Variants in TMPRSS6 observed in about 807,000 individuals in gnomAD.
TMPRSS6 encodes transmembrane serine protease 6.
A neutral mutation model predicts 101.5 loss-of-function variants in TMPRSS6; 67 were observed. That is an observed-to-expected ratio of 0.66 (90% CI 0.54 to 0.81). The LOEUF (loss-of-function observed/expected upper bound fraction) is 0.81. TMPRSS6 is among the 30% of genes least tolerant of loss of function. The pLI is 0.00. For synonymous variants in TMPRSS6, 453 were observed against 464.9 expected, an observed-to-expected ratio of 0.97 and a Z score of 0.33; for missense variants, 1,034 against 1,088.7, an observed-to-expected ratio of 0.95 and a Z score of 0.71.
chr22:37,066,113 A>C lies in TMPRSS6; in HGVS notation c.2376T>G (p.Gly792=), dbSNP rs1601509345. 2.5e-6 allele frequency: 4 copies of C among 1,613,312 alleles called. No individual in the cohort carries two copies. Among genetic ancestry groups the C allele is most frequent in the Non-Finnish European group, 3.4e-6 (4 of 1,179,958 alleles). The change falls in exon 18 of 18, where the codon GGT becomes GGG. Residue 792 remains glycine (G), a synonymous_variant. Transcript: ENST00000676104. ...CCACTTGCTGGATCCAGCTGATCAC[A>C]CCTGTGATGCGGGTGTAGACGCCGA... ...NYFGVYTRIT[G]VISWIQQVVT
At chr22:37,067,498 G>GC (rs1268388974) in intron 16 of TMPRSS6, among the ~76,000 whole-genome samples, 3 of 152,076 alleles carry the variant, frequency 2.0e-5, no homozygotes, top group Non-Finnish European at 4.4e-5. Context: ...AAAGAAAAAA[G>GC]CCCGTGTGGA....
intron 11 of TMPRSS6, 81 bp from the exon 12 acceptor site, chr22:37,074,789 A>C (rs775819791): frequency 2.2e-4 from 322 of 1,434,424 alleles, no homozygotes; most frequent in Non-Finnish European, 4.4e-5. Flanking sequence ...AAAGACACGC[A>C]TGCACCTGTT....
intron 16 of TMPRSS6, 142 bp downstream of exon 16, chr22:37,068,931 C>T: frequency 7.2e-7 from 1 of 1,397,690 alleles, no homozygotes; most frequent in Non-Finnish European, 9.5e-7. Flanking sequence ...CCGTAAAATT[C>T]AGCCCAATTT....
chr22:37,088,282 A>G (rs894394952), intron 7 of TMPRSS6, among the ~76,000 whole-genome samples: 5 of 152,148 alleles, frequency 3.3e-5, no homozygotes, highest in African/African-American at 1.2e-4. Flanking sequence ...GAGGGGTGAC[A>G]AGGAGAGAGC....
chr22:37,101,584 C>T lies in TMPRSS6; in HGVS notation c.202+1632G>A, dbSNP rs139084249. On this transcript the variant is annotated intron_variant, in intron 2 of 17. Coordinates refer to ENST00000676104, the MANE Select transcript of TMPRSS6 (RefSeq NM_001374504.1). This position sits in a 1 kb window ranked among gnomAD's most constrained non-coding sequence, Gnocchi z 4.1. ...TCCCAGGAGCACAGCCTGGTCAAGG[C>T]GGGAGGAGTCTTTCAAACAGCTCCC... 4.5e-4 allele frequency among the ~76,000 whole-genome samples: 68 copies of T among 152,174 alleles called. No homozygotes were observed. Among genetic ancestry groups the T allele is most frequent in the African/African-American group, 1.5e-3 (62 of 41,506 alleles).
At chr22:37,075,817 G>A (rs1488562803) in intron 10 of TMPRSS6, among the ~76,000 whole-genome samples, 5 of 152,052 alleles carry the variant, frequency 3.3e-5, no homozygotes, top group Admixed American at 6.6e-5. Context: ...CAGGAGAATC[G>A]CTTGAACCCA....
At chr22:37,094,629 A>G (rs1422244290) in intron 6 of TMPRSS6, among the ~76,000 whole-genome samples, 1 of 152,204 alleles carries the variant, frequency 6.6e-6, no homozygotes, top group African/African-American at 2.4e-5. Context: ...TAATCAGCCA[A>G]ATAAATATTT....
chr22:37,070,045 G>C (rs1322159343), intron 15 of TMPRSS6, among the ~76,000 whole-genome samples: 2 of 152,166 alleles, frequency 1.3e-5, no homozygotes, highest in Admixed American at 1.3e-4. Flanking sequence ...AGATGGGAAA[G>C]ATGGCCATGA....
intron 7 of TMPRSS6, among the ~76,000 whole-genome samples, chr22:37,086,665 C>G (rs1262522245): frequency 6.6e-6 from 1 of 152,132 alleles, no homozygotes; most frequent in Non-Finnish European, 1.5e-5. Context: ...CAGGAGGTTC[C>G]CCAGACTTCT....
rs1181053769 is a variant in TMPRSS6, at chr22:37,073,534, T to C, written c.1553A>G (p.Glu518Gly). ...ACACTCGGCTAGGCCTGCCCTACCTTCCTGGCACTGCTCTTCGTCGCTGCC... is the reference window on the plus strand; with the variant it reads ...ACACTCGGCTAGGCCTGCCCTACCTCCCTGGCACTGCTCTTCGTCGCTGCC... The part of the protein sequence containing the change: ...LNGSDEEQCQ[E>G]GVPCGTFTFQ... The change falls in exon 13 of 18, where the codon GAA becomes GGA. Residue 518 changes from glutamate (E) to glycine (G), a missense_variant and splice_region_variant. Coordinates refer to ENST00000676104, the MANE Select transcript of TMPRSS6 (RefSeq NM_001374504.1). 3.7e-6 allele frequency: 6 copies of C among 1,611,158 alleles called. No individual in the cohort carries two copies. Among genetic ancestry groups the C allele is most frequent in the African/African-American group, 2.7e-5 (2 of 74,842 alleles).
intron 10 of TMPRSS6, among the ~76,000 whole-genome samples, chr22:37,078,718 G>A (rs114065961): frequency 5.5e-5 from 2 of 36,352 alleles, no homozygotes; most frequent in East Asian, 1.3e-3. Flanking sequence ...AGGAGGAGGC[G>A]GAGGAGAAGA....
Position 37,107,322 on chromosome 22 carries a change from T to C in TMPRSS6, c.-2+2181A>G, listed in dbSNP as rs1167907739. On this transcript the variant is annotated intron_variant, in intron 1 of 17. Transcript: ENST00000676104. ...GAGACCTCATTCCCATCCTCTTGGGTTTCCTGCCCAGCAGGAGGAGGGGCA... is the reference window on the plus strand; with the variant it reads ...GAGACCTCATTCCCATCCTCTTGGGCTTCCTGCCCAGCAGGAGGAGGGGCA... Among the ~76,000 whole-genome samples the C allele has an allele frequency of 2.0e-5, 3 of 152,096 alleles. No homozygotes were observed. The East Asian group carries it at 5.8e-4, about 29-fold the overall frequency.
intron 16 of TMPRSS6, among the ~76,000 whole-genome samples, chr22:37,067,581 C>T (rs562871383): frequency 1.3e-5 from 2 of 152,326 alleles, no homozygotes; most frequent in East Asian, 1.9e-4. Context: ...GCTGGCTCCT[C>T]GCTGCTCTGT....
intron 10 of TMPRSS6, chr22:37,083,837 A>C: frequency 3.0e-6 from 1 of 333,304 alleles, no homozygotes; most frequent in Non-Finnish European, 5.5e-6. Context: ...TACCCTGTGC[A>C]ATGGGATTGG....
chr22:37,066,484 C>A (rs1040417426), intron 17 of TMPRSS6, among the ~76,000 whole-genome samples: 1 of 152,262 alleles, frequency 6.6e-6, no homozygotes, highest in East Asian at 1.9e-4. Context: ...ACTCTGCCTC[C>A]GCCTCCCTTC....
chr22:37,099,903 T>C (rs1895759805), intron 2 of TMPRSS6, among the ~76,000 whole-genome samples: 1 of 152,150 alleles, frequency 6.6e-6, no homozygotes, highest in African/African-American at 2.4e-5. Context: ...CTGGGAGGAC[T>C]CGGGCTTTCA....
At chr22:37,082,816 C>T (rs1032646429) in intron 10 of TMPRSS6, 14 of 370,420 alleles carry the variant, frequency 3.8e-5, no homozygotes, top group Non-Finnish European at 6.9e-5. Context: ...CCCCATGTTA[C>T]CCCCAACAGC....
At chr22:37,110,137 C>CTTTTTT (rs55809648), upstream of TMPRSS6, among the ~76,000 whole-genome samples, 2 of 87,066 alleles carry the variant, frequency 2.3e-5, no homozygotes, top group Non-Finnish European at 4.4e-5. Flanking sequence ...CTACCTCGTT[C>CTTTTTT]TTTTTTTTTT....
At chr22:37,068,050 C>G (rs991563207) in intron 16 of TMPRSS6, among the ~76,000 whole-genome samples, 2 of 152,180 alleles carry the variant, frequency 1.3e-5, no homozygotes, top group Non-Finnish European at 2.9e-5. Flanking sequence ...CCCCTGGAAG[C>G]CTCCCCTGAC....
Sources: gnomAD v4.1 joint callset for allele counts (sites outside exome capture counted in the v4.1 genomes callset) on GRCh38, gnomAD v4.1.1 for gene constraint, Gnocchi (gnomAD v3.1) non-coding constraint, MANE v1.5 for transcripts, NCBI Gene and HGNC (gene_info 2026-07-23, HGNC 2026-07-21) for gene names.